DLGAP2: variants seen among roughly 807,000 people sequenced by gnomAD.
DLGAP2 encodes DLG associated protein 2.
Under a neutral mutation model 100.3 loss-of-function variants are expected in DLGAP2, and 26 were observed. That is an observed-to-expected ratio of 0.26 (90% CI 0.19 to 0.36). DLGAP2 has a LOEUF of 0.36. Among genes scored for constraint, DLGAP2 ranks in the 10% least tolerant of loss-of-function variants. The probability of loss-of-function intolerance (pLI) is 1.00; values close to 1 mark genes in which losing one functional copy is unlikely to be tolerated. For synonymous variants in DLGAP2, 886 were observed against 630.1 expected (o/e 1.41, Z -6.08); for missense variants, 1,858 against 1,453.2 (o/e 1.28, Z -4.53).
intron 6 of DLGAP2, among the ~76,000 whole-genome samples, chr8:1,596,085 A>G (rs1423309307): frequency 7.5e-6 from 1 of 133,058 alleles, no homozygotes; most frequent in African/African-American, 2.9e-5. Flanking sequence ...ATGGGTTCTC[A>G]TCGTTCATCT....
chr8:1,572,376 GTT>G (rs1470490003), intron 6 of DLGAP2, among the ~76,000 whole-genome samples: 30 of 139,914 alleles, frequency 2.1e-4, no homozygotes, highest in Non-Finnish European at 3.0e-4. Context: ...TGAACTGTGG[GTT>G]GTCTGATGAG....
intron 1 of DLGAP2, among the ~76,000 whole-genome samples, chr8:856,187 T>TCTTCTTCTTCTTCTTCTTC (rs1554433991): frequency 2.5e-4 from 13 of 51,588 alleles, no homozygotes; most frequent in African/African-American, 7.3e-4. Context: ...TTCTTCTTCT[T>TCTTCTTCTTCTTCTTCTTC]TTTTTTTTTT....
chr8:1,114,616 CCTAT>C (rs1805060447), intron 2 of DLGAP2, among the ~76,000 whole-genome samples: 1 of 151,582 alleles, frequency 6.6e-6, no homozygotes, highest in Admixed American at 6.6e-5. Context: ...CAGCTAGCAG[CCTAT>C]CTTACTAATT....
chr8:1,623,910 T>G (rs537464575), intron 6 of DLGAP2, among the ~76,000 whole-genome samples: 1 of 152,390 alleles, frequency 6.6e-6, no homozygotes, highest in South Asian at 2.1e-4. Context: ...AACATTTATG[T>G]GTCACACTCC....
chr8:1,630,602 C>T (rs1049603232), intron 7 of DLGAP2, among the ~76,000 whole-genome samples: 2 of 151,516 alleles, frequency 1.3e-5, no homozygotes, highest in East Asian at 2.0e-4. Context: ...CTCGGGAGGC[C>T]GAGGCAGGAG....
At chr8:1,587,221 A>G (rs1796147593) in intron 6 of DLGAP2, among the ~76,000 whole-genome samples, 1 of 152,236 alleles carries the variant, frequency 6.6e-6, no homozygotes, top group Non-Finnish European at 1.5e-5. Context: ...GTTCATCTAT[A>G]GGAACTATTT....
intron 6 of DLGAP2, among the ~76,000 whole-genome samples, chr8:1,610,825 C>G (rs1336746510): frequency 3.6e-5 from 5 of 140,014 alleles, no homozygotes; most frequent in Non-Finnish European, 7.5e-5. Context: ...TACACTGTCC[C>G]AAGACTAAAC....
chr8:1,360,301 G>A (rs1411296131), intron 3 of DLGAP2, among the ~76,000 whole-genome samples: 3 of 62,040 alleles, frequency 4.8e-5, no homozygotes, highest in African/African-American at 9.9e-5. Context: ...TCTCCGGGGC[G>A]GGGCTTCTCC....
intron 3 of DLGAP2, among the ~76,000 whole-genome samples, chr8:1,427,809 T>C (rs1797278482): frequency 6.6e-6 from 1 of 152,226 alleles, no homozygotes; most frequent in Non-Finnish European, 1.5e-5. Context: ...AATAAGTCTC[T>C]TTCTTTTGTA....
At chr8:1,329,083 A>G (rs28580227) in intron 3 of DLGAP2, among the ~76,000 whole-genome samples, 43,903 of 151,450 alleles carry the variant, frequency 0.29, 6,629 homozygotes, top group African/African-American at 0.35. Flanking sequence ...ACAGGTGACA[A>G]GCGACAAGCG....
intron 5 of DLGAP2, among the ~76,000 whole-genome samples, chr8:1,564,040 A>G (rs1212487649): frequency 1.3e-5 from 2 of 152,218 alleles, no homozygotes; most frequent in African/African-American, 4.8e-5. Context: ...CATGAAAAAC[A>G]TGCTATGTTA....
chr8:1,448,908 T>C (rs1454214729), intron 3 of DLGAP2, among the ~76,000 whole-genome samples: 1 of 152,298 alleles, frequency 6.6e-6, no homozygotes, highest in Admixed American at 6.5e-5. Context: ...GTCTCTACAG[T>C]GGGTCAAACA....
chr8:1,334,143 C>T (rs1278602872), intron 3 of DLGAP2, among the ~76,000 whole-genome samples: 2 of 152,254 alleles, frequency 1.3e-5, no homozygotes, highest in Non-Finnish European at 2.9e-5. Flanking sequence ...AGTCTGAGAG[C>T]TCCTCAGTGA....
intron 2 of DLGAP2, among the ~76,000 whole-genome samples, chr8:960,431 C>A (rs953321292): frequency 6.6e-6 from 1 of 151,638 alleles, no homozygotes; most frequent in South Asian, 2.1e-4. Context: ...GGAGTTTCAC[C>A]ACATTGGCCA....
rs532860804 is a variant in DLGAP2, at chr8:831,857, C to T, written c.19-76055C>T. The stretch of plus-strand genomic sequence containing the variant: ...CAGTGTAAAAGTGTTCCTATTTCTC[C>T]ACAGCCTCGCCCACATCTGTTGTTT... On this transcript the variant is annotated intron_variant, in intron 1 of 14. Transcript: ENST00000637795. 1.7e-3 allele frequency among the ~76,000 whole-genome samples: 259 copies of T among 152,134 alleles called. 1 individual carries two copies. Among genetic ancestry groups the T allele is most frequent in the Non-Finnish European group, 2.1e-3 (145 of 68,018 alleles).
At chr8:765,281 A>G (rs1197212776) in intron 1 of DLGAP2, among the ~76,000 whole-genome samples, 1 of 152,238 alleles carries the variant, frequency 6.6e-6, no homozygotes, top group Non-Finnish European at 1.5e-5. Context: ...GGGTAAAATG[A>G]TCTGATAATG....
At chr8:1,063,944 G>C (rs1235953770) in intron 2 of DLGAP2, among the ~76,000 whole-genome samples, 1 of 152,176 alleles carries the variant, frequency 6.6e-6, no homozygotes, top group African/African-American at 2.4e-5. Flanking sequence ...AGCAACAAGT[G>C]CTGGCCTCCG....
At chr8:789,074 A>C (rs1821954909) in intron 1 of DLGAP2, among the ~76,000 whole-genome samples, 2 of 152,140 alleles carry the variant, frequency 1.3e-5, no homozygotes, top group African/African-American at 4.8e-5. Context: ...AGAGTTCTTT[A>C]TGTACTTTGG....
intron 2 of DLGAP2, among the ~76,000 whole-genome samples, chr8:1,042,572 C>G (rs1013911239): frequency 1.2e-4 from 18 of 152,198 alleles, no homozygotes; most frequent in African/African-American, 4.3e-4. Flanking sequence ...TTGAGTGATG[C>G]ATTCAGCATG....
Sources: gnomAD v4.1 joint callset for allele counts (sites outside exome capture counted in the v4.1 genomes callset) on GRCh38, gnomAD v4.1.1 for gene constraint, MANE v1.5 for transcripts, NCBI Gene and HGNC (gene_info 2026-07-23, HGNC 2026-07-21) for gene names.